Variants in PDE7B observed in about 807,000 individuals in gnomAD.
The protein encoded by PDE7B is phosphodiesterase 7B.
Under a neutral mutation model 56.2 loss-of-function variants are expected in PDE7B, and 29 were observed. The observed-to-expected ratio is 0.52, with a 90% CI of 0.38 to 0.70. PDE7B has a LOEUF of 0.70. PDE7B is among the 30% of genes least tolerant of loss of function. PDE7B has a pLI of 0.00. For missense variants in PDE7B, 490 were observed against 565.0 expected (o/e 0.87, Z 1.35); for synonymous variants, 197 against 196.9 (o/e 1.00, Z 0.00).
At chr6:135,995,401 C>T (rs1172880384) in intron 2 of PDE7B, among the ~76,000 whole-genome samples, 1 of 152,160 alleles carries the variant, frequency 6.6e-6, no homozygotes, top group African/African-American at 2.4e-5. Flanking sequence ...TAAAGGTTTA[C>T]ATCTGAAGGA....
intron 1 of PDE7B, among the ~76,000 whole-genome samples, chr6:135,917,752 G>T (rs1217501851): frequency 6.6e-6 from 1 of 152,152 alleles, no homozygotes. Context: ...ATTTTGCCCT[G>T]GTAGGAAGTT....
intron 10 of PDE7B, among the ~76,000 whole-genome samples, 170 bp downstream of exon 10, chr6:136,179,311 A>G (rs1779026711): frequency 6.6e-6 from 1 of 152,136 alleles, no homozygotes; most frequent in Non-Finnish European, 1.5e-5. Context: ...ACTGCACTCC[A>G]GCCTGGGTGA....
intron 3 of PDE7B, among the ~76,000 whole-genome samples, chr6:136,142,965 T>G (rs1038378114): frequency 6.6e-6 from 1 of 152,174 alleles, no homozygotes; most frequent in Admixed American, 6.5e-5. Context: ...AGGTTAATAT[T>G]GTTATGTGTG....
chr6:136,071,134 C>T (rs1285408510), intron 2 of PDE7B: 1 of 152,122 alleles, frequency 6.6e-6, no homozygotes, highest in African/African-American at 2.4e-5. Context: ...TGGAAAAGAG[C>T]ATGTTGAACC....
At chr6:136,006,959 G>A (rs1372575321) in intron 2 of PDE7B, among the ~76,000 whole-genome samples, 2 of 152,176 alleles carry the variant, frequency 1.3e-5, no homozygotes, top group Non-Finnish European at 2.9e-5. Flanking sequence ...AATAGAAGTA[G>A]AGAAAGAGGG....
intron 2 of PDE7B, among the ~76,000 whole-genome samples, chr6:135,955,081 C>A (rs1224277500): frequency 1.3e-5 from 2 of 152,104 alleles, no homozygotes; most frequent in Non-Finnish European, 2.9e-5. Flanking sequence ...GACCTATCAG[C>A]CTTACACAAA....
intron 1 of PDE7B, among the ~76,000 whole-genome samples, chr6:135,902,700 C>G (rs180777803): frequency 8.5e-5 from 13 of 152,196 alleles, no homozygotes; most frequent in Admixed American, 6.5e-4. Flanking sequence ...TATTGCTTAA[C>G]CCTTGGAAGT....
intron 2 of PDE7B, among the ~76,000 whole-genome samples, chr6:135,987,524 G>A (rs181086860): frequency 1.3e-5 from 2 of 152,096 alleles, no homozygotes; most frequent in Admixed American, 1.3e-4. Context: ...CCAGAACTGA[G>A]CCTTCTTCCC....
intron 2 of PDE7B, among the ~76,000 whole-genome samples, chr6:136,081,486 T>C (rs925194797): frequency 2.0e-4 from 31 of 152,156 alleles, no homozygotes; most frequent in African/African-American, 6.5e-4. Flanking sequence ...TAACAGAATA[T>C]CTACTCTGGC....
chr6:135,971,649 A>G (rs995591836), intron 2 of PDE7B, among the ~76,000 whole-genome samples: 1 of 152,216 alleles, frequency 6.6e-6, no homozygotes, highest in Admixed American at 6.5e-5. Flanking sequence ...TCATTGGACT[A>G]GAATTCAAAA....
chr6:135,988,269 G>A (rs575490592), intron 2 of PDE7B, among the ~76,000 whole-genome samples: 13 of 152,136 alleles, frequency 8.5e-5, no homozygotes, highest in Middle Eastern at 3.4e-3. Flanking sequence ...TGGTCCCAGC[G>A]TGTGGAATTA....
rs1248709306 is a variant in PDE7B at position 136,155,564 on chromosome 6, A to C, written c.580-63A>C. On this transcript the variant is annotated intron_variant, in intron 7 of 12. Transcript: ENST00000308191. ...TGATTCATTGTGTTTGATTTAGCCAAAATGATTATGAGCCTATTTGTGAAA... is the reference window on the plus strand; with the variant it reads ...TGATTCATTGTGTTTGATTTAGCCACAATGATTATGAGCCTATTTGTGAAA... 3 of 1,448,302 alleles carry C rather than the reference A, an allele frequency of 2.1e-6. No individual in the cohort carries two copies. The African/African-American group carries it at 4.2e-5, about 20-fold the overall frequency. The allele number at this position is 1,448,302 out of a possible 1,614,324, so 89.7% of individuals were successfully genotyped here. A position where few individuals can be genotyped will look rare whatever the true frequency, so the allele number is the denominator to read the frequency against.
intron 8 of PDE7B, chr6:136,156,162 A>AGAGT (rs1554283552): frequency 7.1e-5 from 18 of 251,992 alleles, no homozygotes; most frequent in Admixed American, 4.9e-4. Context: ...GAATGATCCA[A>AGAGT]GTGTGTGTGT....
At chr6:136,111,098 T>C (rs1207314517) in intron 3 of PDE7B, 1 of 152,146 alleles carries the variant, frequency 6.6e-6, no homozygotes, top group Non-Finnish European at 1.5e-5. Flanking sequence ...CCATGTCTCT[T>C]ACTCTGTAAC....
At position 136,173,854 on chromosome 6, in the gene PDE7B, T is replaced by A; in HGVS notation, c.769T>A (p.Ser257Thr). ...WRSTIGMLRE[S>T]RLLAHLPKEM... is the part of the protein sequence containing the mutation. ...ATCTACAATTGGCATGCTTCGAGAA[T>A]CAAGGCTTCTTGCTCATTTGCCAAA... The change falls in exon 9 of 13, where the codon TCA (serine) becomes ACA (threonine). Residue 257 changes from serine to threonine, a missense_variant. By Grantham distance (58) the Ser-to-Thr change is moderately conservative (BLOSUM62 1). Transcript: ENST00000308191. 1 of 1,612,824 alleles carries A rather than the reference T, an allele frequency of 6.2e-7. No individual in the cohort carries two copies. Among genetic ancestry groups the A allele is most frequent in the Non-Finnish European group, 8.5e-7 (1 of 1,178,922 alleles).
In PDE7B at chr6:136,179,107, T is replaced by C; in HGVS notation, c.914T>C (p.Leu305Pro). The C allele has an allele frequency of 6.2e-7, 1 of 1,614,050 alleles. No homozygotes were observed. The highest frequency in any genetic ancestry group is 8.5e-7 in the Non-Finnish European group (1 of 1,179,914). ...KAHLHNKDLR[L>P]EDAQDRHFML... ...CACCTCCACAATAAAGACTTAAGAC[T>C]GGAGGATGCACAGGACAGGCACTTT... is the stretch of plus-strand genomic sequence containing the variant. The change falls in exon 10 of 13, where the codon CTG becomes CCG. Residue 305 changes from leucine (L) to proline (P), a missense_variant. By Grantham distance (98) the Leu-to-Pro change is moderately conservative. Coordinates refer to ENST00000308191, the MANE Select transcript of PDE7B (RefSeq NM_018945.4).
intron 1 of PDE7B, among the ~76,000 whole-genome samples, chr6:135,871,772 TAC>T (rs10576996): frequency 0.45 from 67,920 of 150,402 alleles, 15,694 homozygotes; most frequent in Non-Finnish European, 0.51. Flanking sequence ...GATAGGTGTA[TAC>T]ACACACACAC....
intron 1 of PDE7B, among the ~76,000 whole-genome samples, chr6:135,935,186 T>TTTTATATATATATATATATATA (rs1404954510): frequency 1.6e-4 from 6 of 38,444 alleles, no homozygotes; most frequent in African/African-American, 5.9e-4. Flanking sequence ...ATATATATAT[T>TTTTATATATATATATATATATA]TATTTATATA....
intron 9 of PDE7B, among the ~76,000 whole-genome samples, chr6:136,177,933 G>A (rs1213162282): frequency 6.6e-6 from 1 of 151,922 alleles, no homozygotes; most frequent in African/African-American, 2.4e-5. Flanking sequence ...TTATACAGTG[G>A]CATACACTGT....
Sources: allele counts gnomAD v4.1 joint callset (sites outside exome capture counted in the v4.1 genomes callset), GRCh38; gene constraint gnomAD v4.1.1; transcripts MANE v1.5; gene names NCBI Gene and HGNC (gene_info 2026-07-23, HGNC 2026-07-21).